IQSEC2: variants seen among roughly 807,000 people sequenced by gnomAD.
IQSEC2 encodes the protein IQ motif and Sec7 domain ArfGEF 2, also known as IQ motif and SEC7 domain-containing protein 2.
IQSEC2 carries 6 observed loss-of-function variants against 74.6 expected under a neutral mutation model. That is an observed-to-expected ratio of 0.08 (90% CI 0.04 to 0.16). The LOEUF (loss-of-function observed/expected upper bound fraction) is 0.16. Ranked by LOEUF, IQSEC2 falls within the 10% of genes least tolerant of loss-of-function variation. The pLI, the probability that IQSEC2 is intolerant of heterozygous loss-of-function variation, is 1.00. For missense variants in IQSEC2, 734 were observed against 1,306.2 expected (o/e 0.56, Z 6.75); for synonymous variants, 494 against 544.5 (o/e 0.91, Z 1.29).
chrX:53,234,356 A>C lies in IQSEC2; in HGVS notation c.4330T>G (p.Ser1444Ala). The C allele has an allele frequency of 7.1e-6, 1 of 140,217 alleles. No homozygotes were observed. The highest frequency in any genetic ancestry group is 1.1e-5 in the Non-Finnish European group (1 of 94,828). 11.6% of individuals were successfully genotyped at this position (140,217 alleles called of 1,213,427 possible). ...HPSYPPLPPP[S>A]PHTPHSPLPP... Reference sequence around the variant, plus strand: ...AGGGGTGAGTGCGGGGTGTGAGGGGAGGGTGGGGGGAGGGGTGGATAGGAG... The same window carrying C: ...AGGGGTGAGTGCGGGGTGTGAGGGGCGGGTGGGGGGAGGGGTGGATAGGAG... Residue 1444 changes from serine (S) to alanine (A), a missense_variant, in exon 15 of 15, where the codon TCC becomes GCC. By Grantham distance (99) the Ser-to-Ala change is moderately conservative. This residue lies in a region of IQSEC2 where 38 missense variants were observed against 36.7 expected (regional missense o/e 1.04). Transcript: ENST00000642864.
At chrX:53,262,096 C>T (rs781873463) in intron 2 of IQSEC2, among the ~76,000 whole-genome samples, 3 of 112,402 alleles carry the variant, frequency 2.7e-5, no homozygotes, top group Non-Finnish European at 5.6e-5. Context: ...CTCTGCTGCC[C>T]GGAAGGCTTC....
chrX:53,246,649 G>A (rs1451962112), intron 8 of IQSEC2, among the ~76,000 whole-genome samples: 2 of 112,045 alleles, frequency 1.8e-5, no homozygotes, highest in African/African-American at 6.5e-5. Flanking sequence ...AAGGAGCGAG[G>A]AAAGGACAAG....
rs2074165521 is a variant in IQSEC2, at chrX:53,238,214, G to A, written c.3208C>T (p.Leu1070=). The A allele has an allele frequency of 8.3e-7, 1 of 1,208,225 alleles. No homozygotes were observed. The highest frequency in any genetic ancestry group is 1.8e-5 in the South Asian group (1 of 56,404). The change falls in exon 12 of 15, where the codon CTG becomes TTG. Residue 1070 remains leucine (L), a synonymous_variant. Coordinates refer to ENST00000642864, the MANE Select transcript of IQSEC2 (RefSeq NM_001111125.3). The stretch of plus-strand genomic sequence containing the variant: ...TCGCGCAGGTCGGATGTAAAGCGCA[G>A]CCGGTCCTGGAGGCTGGGGGCATTG... ...IFNAPSLQDR[L]RFTSDLRESI...
intron 9 of IQSEC2, 122 bp from the exon 10 acceptor site, chrX:53,242,031 G>A: frequency 1.2e-6 from 1 of 859,669 alleles, no homozygotes; most frequent in Admixed American, 2.6e-5. Flanking sequence ...TCTGACACAA[G>A]GGGTATCAGC....
chrX:53,285,516 A>C (rs2075016941), intron 2 of IQSEC2, among the ~76,000 whole-genome samples: 1 of 112,314 alleles, frequency 8.9e-6, no homozygotes, highest in Admixed American at 9.4e-5. Context: ...ACAAAGATTA[A>C]AGATAATGTG....
chrX:53,255,208 G>T (rs1016687354), intron 3 of IQSEC2, among the ~76,000 whole-genome samples: 1 of 110,887 alleles, frequency 9.0e-6, no homozygotes, highest in African/African-American at 3.3e-5. Flanking sequence ...AGAAAGCAAG[G>T]TAGAAATAAA....
chrX:53,299,720 G>C (rs1429636036), intron 1 of IQSEC2, among the ~76,000 whole-genome samples: 2 of 111,359 alleles, frequency 1.8e-5, no homozygotes, highest in African/African-American at 6.5e-5. Context: ...GGGACTCACT[G>C]TCTGGATGGG....
At chrX:53,238,389 C>A in intron 11 of IQSEC2, 83 bp from the exon 12 acceptor site, 1 of 949,602 alleles carries the variant, frequency 1.1e-6, no homozygotes, top group Non-Finnish European at 1.5e-6. Flanking sequence ...CTTTTCTGCT[C>A]TTTTTTTTCT....
chrX:53,306,242 A>C (rs2075261286), intron 1 of IQSEC2, among the ~76,000 whole-genome samples: 1 of 111,937 alleles, frequency 8.9e-6, no homozygotes, highest in Non-Finnish European at 1.9e-5. Context: ...CTGCCCTCCA[A>C]GCACCCAGCC....
At position 53,251,129 on chromosome X, in the gene IQSEC2, G is replaced by A; in HGVS notation, c.1447C>T (p.Pro483Ser). 8.3e-7 allele frequency: 1 copy of A among 1,211,991 alleles called. No individual in the cohort carries two copies. The highest frequency in any genetic ancestry group is 1.1e-6 in the Non-Finnish European group (1 of 895,537). Residue 483 changes from proline to serine, a missense_variant, in exon 5 of 15, where the codon CCG (proline) becomes TCG (serine). Physicochemically the swap from Pro to Ser is moderately conservative, Grantham distance 74. This residue lies in a region of IQSEC2 where 204 missense variants were observed against 305.4 expected (regional missense o/e 0.67). Coordinates refer to ENST00000642864, the MANE Select transcript of IQSEC2 (RefSeq NM_001111125.3). ...ESIDEALNCH[P>S]SGPMSEEPGS... ...GGCTCCTCAGACATGGGCCCTGACG[G>A]GTGGCAGTTCAGGGCTTCGTCGATG...
At chrX:53,245,530 A>C (rs1244173995) in intron 8 of IQSEC2, among the ~76,000 whole-genome samples, 1 of 111,883 alleles carries the variant, frequency 8.9e-6, no homozygotes, top group Non-Finnish European at 1.9e-5. Flanking sequence ...CAGGTGCTAA[A>C]GGAACATACT....
At chrX:53,252,641 C>T (rs924957467) in intron 4 of IQSEC2, among the ~76,000 whole-genome samples, 3 of 111,341 alleles carry the variant, frequency 2.7e-5, no homozygotes, top group South Asian at 3.8e-4. Flanking sequence ...TCAGATATTG[C>T]GGGCTCTCCC....
intron 9 of IQSEC2, 78 bp from the exon 10 acceptor site, chrX:53,241,987 C>T (rs952900705): frequency 6.7e-5 from 76 of 1,126,662 alleles, no homozygotes; most frequent in African/African-American, 4.5e-4. Context: ...AACTTTCAAC[C>T]GCAAGAAGTT....
chrX:53,251,413 C>G (rs1556863663), intron 4 of IQSEC2, among the ~76,000 whole-genome samples: 2 of 110,469 alleles, frequency 1.8e-5, no homozygotes, highest in Non-Finnish European at 3.8e-5. Flanking sequence ...CCCACAAGTT[C>G]CCCACTCAGC....
chrX:53,302,661 G>C (rs2075222055), intron 1 of IQSEC2, among the ~76,000 whole-genome samples: 1 of 112,243 alleles, frequency 8.9e-6, no homozygotes, highest in South Asian at 3.7e-4. Context: ...TTTGGGGCCA[G>C]GCACGGCGGC....
chrX:53,238,361 A>C, intron 11 of IQSEC2, 55 bp from the exon 12 acceptor site: 29 of 1,107,135 alleles, frequency 2.6e-5, no homozygotes, highest in Non-Finnish European at 3.2e-5. Context: ...AAGGTGGCTC[A>C]TACATAAAAT....
intron 6 of IQSEC2, 112 bp from the exon 7 acceptor site, chrX:53,248,348 A>T: frequency 2.9e-5 from 28 of 976,299 alleles, no homozygotes; most frequent in Non-Finnish European, 3.8e-5. Context: ...TCTCAAATTC[A>T]GGACCTGTGG....
chrX:53,245,858 C>CTTTTTTTTTT (rs368569948), intron 8 of IQSEC2, among the ~76,000 whole-genome samples: 1 of 75,665 alleles, frequency 1.3e-5, no homozygotes, highest in African/African-American at 4.7e-5. Flanking sequence ...CTCAATTGTT[C>CTTTTTTTTTT]TTTTTTTTTT....
intron 2 of IQSEC2, among the ~76,000 whole-genome samples, chrX:53,269,546 T>C (rs1375291410): frequency 1.5e-4 from 17 of 110,376 alleles, no homozygotes; most frequent in Non-Finnish European, 2.8e-4. Flanking sequence ...AGCTCAAGTC[T>C]CTCCCATCTG....
Sources: gnomAD v4.1 joint callset for allele counts (sites outside exome capture counted in the v4.1 genomes callset) on GRCh38, gnomAD v4.1.1 for gene constraint, gnomAD v4.1.1 regional missense constraint, MANE v1.5 for transcripts, NCBI Gene and HGNC (gene_info 2026-07-23, HGNC 2026-07-21) for gene names.